DLG2: variants seen among roughly 807,000 people sequenced by gnomAD.
DLG2 encodes disks large homolog 2.
Under a neutral mutation model 132.5 loss-of-function variants are expected in DLG2, and 45 were observed. The observed-to-expected ratio is 0.34, with a 90% CI of 0.27 to 0.44. DLG2 has a LOEUF of 0.44. DLG2 is among the 20% of genes least tolerant of loss of function. The pLI is 1.00. For synonymous variants in DLG2, 424 were observed against 419.6 expected (o/e 1.01, Z -0.13); for missense variants, 1,045 against 1,196.9 (o/e 0.87, Z 1.87).
chr11:85,209,766 C>A (rs2082141471), intron 4 of DLG2, among the ~76,000 whole-genome samples: 1 of 151,716 alleles, frequency 6.6e-6, no homozygotes, highest in Non-Finnish European at 1.5e-5. Context: ...CACCGAAATT[C>A]ATTTATATAA....
chr11:83,578,470 G>A (rs2096918422), intron 19 of DLG2, among the ~76,000 whole-genome samples: 1 of 152,048 alleles, frequency 6.6e-6, no homozygotes, highest in Non-Finnish European at 1.5e-5. Context: ...GCAACTGTTT[G>A]TTAGACCGGA....
chr11:83,540,440 C>T (rs1476730097), intron 20 of DLG2, among the ~76,000 whole-genome samples: 1 of 152,138 alleles, frequency 6.6e-6, no homozygotes, highest in African/African-American at 2.4e-5. Context: ...TCTATAGGCA[C>T]TGGCATGGGG....
At chr11:84,104,372 G>A (rs913082210) in intron 9 of DLG2, among the ~76,000 whole-genome samples, 2 of 151,900 alleles carry the variant, frequency 1.3e-5, no homozygotes, top group African/African-American at 2.4e-5. Flanking sequence ...CTAAACATCG[G>A]GTACACATGA....
At chr11:84,684,721 A>C (rs1489914713) in intron 6 of DLG2, among the ~76,000 whole-genome samples, 1 of 152,206 alleles carries the variant, frequency 6.6e-6, no homozygotes, top group Non-Finnish European at 1.5e-5. Context: ...GAACTGTTGT[A>C]AAATTTCCAT....
intron 17 of DLG2, among the ~76,000 whole-genome samples, chr11:83,823,977 G>C (rs2051686962): frequency 6.6e-6 from 1 of 152,280 alleles, no homozygotes; most frequent in Non-Finnish European, 1.5e-5. Flanking sequence ...ATCGCAGAAA[G>C]AGCATAGCTT....
chr11:83,915,315 A>G (rs1364890222), intron 15 of DLG2, among the ~76,000 whole-genome samples: 1 of 152,040 alleles, frequency 6.6e-6, no homozygotes, highest in East Asian at 1.9e-4. Context: ...TCTGGCTGGG[A>G]AGGAGAGTAT....
intron 7 of DLG2, among the ~76,000 whole-genome samples, chr11:84,524,376 A>G (rs529726967): frequency 1.7e-4 from 26 of 152,314 alleles, no homozygotes; most frequent in African/African-American, 6.3e-4. Context: ...TACCCTTTCC[A>G]GTTAAAGATA....
chr11:85,545,115 T>G (rs2076225198), intron 3 of DLG2, among the ~76,000 whole-genome samples: 1 of 152,198 alleles, frequency 6.6e-6, no homozygotes, highest in Non-Finnish European at 1.5e-5. Flanking sequence ...AGTATGATAT[T>G]GGCTGTGGGT....
At position 84,171,261 on chromosome 11, in the gene DLG2, G is replaced by C. The variant is rs776685207; in HGVS notation, c.574-7750C>G. Among the ~76,000 whole-genome samples, 3 of 152,130 alleles carry C rather than the reference G, an allele frequency of 2.0e-5. No homozygotes were observed. In the East Asian group the frequency reaches 5.8e-4, roughly 29 times the overall value. The stretch of plus-strand genomic sequence containing the variant: ...ATATTTCGCTATATTTTTAAAATTT[G>C]TATGAATTTAAGGGGTACAGGTGCA... On this transcript the variant is annotated intron_variant, in intron 8 of 27. Coordinates refer to ENST00000376104, the MANE Select transcript of DLG2 (RefSeq NM_001142699.3).
chr11:84,953,242 CT>C (rs1193253093), intron 6 of DLG2, among the ~76,000 whole-genome samples: 1 of 152,132 alleles, frequency 6.6e-6, no homozygotes, highest in Admixed American at 6.5e-5. Flanking sequence ...TATCCAAATG[CT>C]TACTGGGTCT....
intron 14 of DLG2, among the ~76,000 whole-genome samples, chr11:83,932,067 C>A (rs1031620164): frequency 1.3e-5 from 2 of 152,150 alleles, no homozygotes; most frequent in Non-Finnish European, 2.9e-5. Flanking sequence ...CACTTAATAT[C>A]TCAGAAGATG....
chr11:83,866,543 GA>G (rs2062413471), intron 16 of DLG2, among the ~76,000 whole-genome samples: 1 of 152,056 alleles, frequency 6.6e-6, no homozygotes, highest in South Asian at 2.1e-4. Context: ...TACTGATTAA[GA>G]GGGGCAATTT....
intron 6 of DLG2, among the ~76,000 whole-genome samples, chr11:85,042,758 G>T (rs1372462268): frequency 6.6e-6 from 1 of 151,782 alleles, no homozygotes; most frequent in East Asian, 1.9e-4. Flanking sequence ...TGTATATAAA[G>T]GTTTTACCAC....
intron 3 of DLG2, among the ~76,000 whole-genome samples, chr11:85,415,806 G>C (rs913400512): frequency 6.6e-6 from 1 of 152,020 alleles, no homozygotes; most frequent in Non-Finnish European, 1.5e-5. Flanking sequence ...TAGGTTGCCT[G>C]CTCACTCTGA....
At chr11:83,523,839 G>C (rs1375518327) in intron 21 of DLG2, among the ~76,000 whole-genome samples, 2 of 152,146 alleles carry the variant, frequency 1.3e-5, no homozygotes, top group Non-Finnish European at 2.9e-5. Flanking sequence ...CAGGGGCAGG[G>C]GGCGGGGTTT....
chr11:84,699,461 G>A (rs1379921672), intron 6 of DLG2, among the ~76,000 whole-genome samples: 1 of 151,496 alleles, frequency 6.6e-6, no homozygotes, highest in African/African-American at 2.4e-5. Context: ...TGTATGGTGA[G>A]GGGAAGAGCA....
rs377715733 is a variant in DLG2 at position 85,429,403 on chromosome 11, T to C, written c.41-144038A>G. Among the ~76,000 whole-genome samples, 158 of 151,962 alleles carry C rather than the reference T, an allele frequency of 1.0e-3. 2 individuals are homozygous for C. In the Middle Eastern group the frequency reaches 0.014, roughly 13 times the overall value. ...AGAGCTTCTGCACGGCAAAAGAAAA[T>C]ACCATCAGAGTGAACAGGAACCTAC... is the stretch of plus-strand genomic sequence containing the variant. On this transcript the variant is annotated intron_variant, in intron 3 of 27. Transcript: ENST00000376104.
chr11:84,863,550 A>G (rs1371191345), intron 6 of DLG2, among the ~76,000 whole-genome samples: 1 of 152,134 alleles, frequency 6.6e-6, no homozygotes. Context: ...ACCAACACAC[A>G]TATTGAACAA....
chr11:83,499,721 G>C (rs1179647864), intron 21 of DLG2, among the ~76,000 whole-genome samples: 3 of 149,190 alleles, frequency 2.0e-5, no homozygotes, highest in East Asian at 2.0e-4. Context: ...TCAGCTTGCA[G>C]ACTGCCTATT....
Sources: gnomAD v4.1 joint callset for allele counts (sites outside exome capture counted in the v4.1 genomes callset) on GRCh38, gnomAD v4.1.1 for gene constraint, MANE v1.5 for transcripts, NCBI Gene and HGNC (gene_info 2026-07-23, HGNC 2026-07-21) for gene names.